The following ACSL3 variants were observed in gnomAD, a reference collection of about 807,000 sequenced individuals.
ACSL3 encodes the protein acyl-CoA synthetase long chain family member 3.
In ACSL3, 34 loss-of-function variants were observed where a neutral mutation model predicts 84.7. That is an observed-to-expected ratio of 0.40 (90% CI 0.31 to 0.53). The LOEUF is 0.53. Ranked by LOEUF, ACSL3 falls within the 20% of genes least tolerant of loss-of-function variation. The probability of loss-of-function intolerance (pLI) is 0.48; values close to 1 mark genes in which losing one functional copy is unlikely to be tolerated. For missense variants in ACSL3, 680 were observed against 873.1 expected, an observed-to-expected ratio of 0.78 and a Z score of 2.79; for synonymous variants, 315 against 299.4, an observed-to-expected ratio of 1.05 and a Z score of -0.54.
intron 3 of ACSL3, among the ~76,000 whole-genome samples, chr2:222,904,467 T>C (rs1696240789): frequency 6.6e-6 from 1 of 152,164 alleles, no homozygotes; most frequent in Non-Finnish European, 1.5e-5. Context: ...AATCACGTTT[T>C]TGTGAGTCCA....
At chr2:222,934,861 T>TA (rs1697132374) in intron 16 of ACSL3, among the ~76,000 whole-genome samples, 174 bp downstream of exon 16, 1 of 152,212 alleles carries the variant, frequency 6.6e-6, no homozygotes, top group Non-Finnish European at 1.5e-5. Context: ...CTACACAAAT[T>TA]AACCACTCCC....
rs573858699 is a variant in ACSL3 at position 222,876,876 on chromosome 2, T to C, written c.-206-10954T>C. On this transcript the variant is annotated intron_variant, in intron 1 of 16. Transcript: ENST00000357430. ...ATGCCTGAAGTGTTTTGGAAGCTCA[T>C]AGGAAGGACATCTAACCCAGCCTTG... 1.8e-3 allele frequency among the ~76,000 whole-genome samples: 272 copies of C among 152,178 alleles called. 2 individuals are homozygous for C. The highest frequency in any genetic ancestry group is 0.018 in the South Asian group (86 of 4,826).
chr2:222,892,511 G>A (rs1169190187), intron 2 of ACSL3, among the ~76,000 whole-genome samples: 1 of 152,080 alleles, frequency 6.6e-6, no homozygotes. Flanking sequence ...GTAGGAAATA[G>A]TTCTTTCTGC....
In ACSL3 at chr2:222,909,293, A is replaced by C. The variant is rs182512709; in HGVS notation, c.378+143A>C. 17 of 799,874 alleles carry C rather than the reference A, an allele frequency of 2.1e-5. No individual in the cohort carries two copies. The African/African-American group carries it at 2.5e-4, about 12-fold the overall frequency. 49.5% of individuals were successfully genotyped at this position (799,874 alleles called of 1,614,324 possible). A position where few individuals can be genotyped will look rare whatever the true frequency, so the allele number is the denominator to read the frequency against. On this transcript the variant is annotated intron_variant, in intron 4 of 16. Transcript: ENST00000357430. ...TAGGAAGGGGGCTAGACTACCTTCT[A>C]ATTTCTTCCTGTACTTACCAGCACT...
At chr2:222,898,550 T>A (rs931656868) in intron 2 of ACSL3, among the ~76,000 whole-genome samples, 2 of 152,186 alleles carry the variant, frequency 1.3e-5, no homozygotes, top group African/African-American at 4.8e-5. Flanking sequence ...ATATGATTGG[T>A]CCATGGGCCA....
At position 222,874,884 on chromosome 2, in the gene ACSL3, A is replaced by G. The variant is rs1695406086; in HGVS notation, c.-206-12946A>G. ...GTACTCAGGAGGCAGAGATGGGAGG[A>G]TTGCTTGAGGCCAGGAGTTTTGAGA... On this transcript the variant is annotated intron_variant, in intron 1 of 16. Coordinates refer to ENST00000357430, the MANE Select transcript of ACSL3 (RefSeq NM_004457.5). Among the ~76,000 whole-genome samples, 5 of 151,822 alleles carry G rather than the reference A, an allele frequency of 3.3e-5. No homozygotes were observed. The South Asian group carries it at 1.0e-3, about 32-fold the overall frequency.
At position 222,927,231 on chromosome 2, in the gene ACSL3, C is replaced by T. The variant is rs373667080; in HGVS notation, c.1465+42C>T. 6.0e-5 allele frequency: 95 copies of T among 1,589,530 alleles called. 1 individual carries two copies. Among genetic ancestry groups the T allele is most frequent in the African/African-American group, 1.9e-4 (14 of 74,366 alleles). On this transcript the variant is annotated intron_variant, in intron 12 of 16. Transcript: ENST00000357430. ...TCAGAGGCTGGAGTGTGATGCCAGA[C>T]GTTTTTTTGGGGTATGGGATATTTT...
intron 16 of ACSL3, among the ~76,000 whole-genome samples, chr2:222,938,149 A>C (rs1251929895): frequency 6.6e-6 from 1 of 152,152 alleles, no homozygotes; most frequent in Non-Finnish European, 1.5e-5. Flanking sequence ...ATTACTTTTT[A>C]TGTCTTTGTT....
In ACSL3 at chr2:222,924,614, C is replaced by T. The variant is rs772832151; in HGVS notation, c.1292+19C>T. 6.4e-7 allele frequency: 1 copy of T among 1,572,642 alleles called. No homozygotes were observed. Among genetic ancestry groups the T allele is most frequent in the South Asian group, 1.2e-5 (1 of 81,616 alleles). On this transcript the variant is annotated intron_variant, in intron 11 of 16. Coordinates refer to ENST00000357430, the MANE Select transcript of ACSL3 (RefSeq NM_004457.5). ...GCGACAGGTAAGTAAAGACTCTCTA[C>T]CTCCTTCTTTCTCCTCTTGATAATT...
intron 4 of ACSL3, among the ~76,000 whole-genome samples, chr2:222,912,099 T>C (rs745534439): frequency 2.6e-5 from 4 of 152,236 alleles, no homozygotes; most frequent in Non-Finnish European, 4.4e-5. Context: ...ATAGTTTTCT[T>C]TAGGTTCATT....
intron 1 of ACSL3, among the ~76,000 whole-genome samples, chr2:222,878,293 T>C (rs1695504154): frequency 6.6e-6 from 1 of 152,232 alleles, no homozygotes; most frequent in African/African-American, 2.4e-5. Flanking sequence ...AGAATAGCTT[T>C]TCTGTTGGTA....
At chr2:222,861,353 G>C (rs1222218387) in intron 1 of ACSL3, 95 bp downstream of exon 1, 2 of 151,746 alleles carry the variant, frequency 1.3e-5, no homozygotes. Flanking sequence ...CCCCAGCCTC[G>C]GGGCCTGGGA....
At position 222,942,367 on chromosome 2, in the gene ACSL3, G is replaced by A. The variant is rs748717783; in HGVS notation, c.*713G>A. ...AATAGTAAGGGAGATAACACAGCAT[G>A]TGTAGCACCAGTTGATAATTGGTCT... On this transcript the variant is annotated 3_prime_UTR_variant, in exon 17 of 17. Transcript: ENST00000357430. The A allele has an allele frequency of 2.1e-5, 4 of 191,166 alleles. No individual in the cohort carries two copies. Among genetic ancestry groups the A allele is most frequent in the Non-Finnish European group, 3.3e-5 (3 of 91,064 alleles). The allele number at this position is 191,166 out of a possible 1,614,324, so 11.8% of individuals were successfully genotyped here.
intron 1 of ACSL3, among the ~76,000 whole-genome samples, chr2:222,875,839 T>G (rs1340275736): frequency 6.6e-6 from 1 of 152,252 alleles, no homozygotes; most frequent in African/African-American, 2.4e-5. Context: ...GGGTTTTTTT[T>G]GATGATGTTT....
At chr2:222,889,170 G>C (rs1695788445) in intron 2 of ACSL3, among the ~76,000 whole-genome samples, 2 of 152,148 alleles carry the variant, frequency 1.3e-5, no homozygotes, top group Non-Finnish European at 2.9e-5. Context: ...TTACTGTTGA[G>C]GATCAGCTAG....
rs750603066 is a variant in ACSL3 at position 222,919,169 on chromosome 2, G to A, written c.772G>A (p.Ala258Thr). ...PKGIIVHTMA[A>T]VEALGAKASM... ...GGGCATCATTGTGCATACCATGGCT[G>A]CAGTGGAGGCCCTGGGAGCCAAGGC... The change falls in exon 7 of 17, where the codon GCA becomes ACA. Residue 258 changes from alanine to threonine, a missense_variant. By Grantham distance (58) the Ala-to-Thr change is moderately conservative. Around this residue, in one of 2 missense-constraint regions of ACSL3, gnomAD observed 333 missense variants for 347.5 expected, o/e 0.96. Coordinates refer to ENST00000357430, the MANE Select transcript of ACSL3 (RefSeq NM_004457.5). 1.9e-6 allele frequency: 3 copies of A among 1,614,112 alleles called. No homozygotes were observed. Among genetic ancestry groups the A allele is most frequent in the South Asian group, 2.2e-5 (2 of 91,076 alleles).
intron 3 of ACSL3, chr2:222,904,990 G>A (rs936563942): frequency 1.3e-5 from 2 of 152,768 alleles, no homozygotes; most frequent in African/African-American, 4.8e-5. Context: ...GACCTCTAGA[G>A]TAAGTCCTTT....
Position 222,930,606 on chromosome 2 carries a change from T to C in ACSL3, c.1541-15T>C, listed in dbSNP as rs750055247. On this transcript the variant is annotated splice_polypyrimidine_tract_variant and intron_variant, in intron 13 of 16. Transcript: ENST00000357430. ...GTATTTAACTCAACTATTAACTCAATTATTATTTTATTAGGTGGATACTTT... is the reference window on the plus strand; with the variant it reads ...GTATTTAACTCAACTATTAACTCAACTATTATTTTATTAGGTGGATACTTT... The C allele has an allele frequency of 1.3e-6, 2 of 1,564,548 alleles. No individual in the cohort carries two copies. The highest frequency in any genetic ancestry group is 1.7e-6 in the Non-Finnish European group (2 of 1,154,924).
intron 16 of ACSL3, among the ~76,000 whole-genome samples, chr2:222,940,250 A>G (rs1027657101): frequency 1.3e-5 from 2 of 152,204 alleles, no homozygotes; most frequent in Non-Finnish European, 2.9e-5. Flanking sequence ...TCCTGGTTCA[A>G]TGACATAATT....
Sources: allele counts gnomAD v4.1 joint callset (sites outside exome capture counted in the v4.1 genomes callset), GRCh38; gene constraint gnomAD v4.1.1; regional missense constraint gnomAD v4.1.1; transcripts MANE v1.5; gene names NCBI Gene and HGNC (gene_info 2026-07-23, HGNC 2026-07-21).